NHS: variants seen among roughly 807,000 people sequenced by gnomAD.
NHS encodes the protein NHS actin remodeling regulator.
A neutral mutation model predicts 72.5 loss-of-function variants in NHS; 5 were observed. That is an observed-to-expected ratio of 0.07 (90% CI 0.04 to 0.14). NHS has a LOEUF of 0.14. Among genes scored for constraint, NHS ranks in the 10% least tolerant of loss-of-function variants. NHS has a pLI of 1.00. For missense variants in NHS, 1,072 were observed against 1,355.7 expected (o/e 0.79, Z 3.29); for synonymous variants, 464 against 547.7 (o/e 0.85, Z 2.13).
At chrX:17,436,782 C>G (rs935593186) in intron 1 of NHS, among the ~76,000 whole-genome samples, 2 of 110,515 alleles carry the variant, frequency 1.8e-5, no homozygotes, top group African/African-American at 6.6e-5. Flanking sequence ...AAAAAATCTG[C>G]TGGAATCCAA....
At chrX:17,464,042 A>G (rs1226060761) in intron 1 of NHS, among the ~76,000 whole-genome samples, 1 of 112,029 alleles carries the variant, frequency 8.9e-6, no homozygotes, top group African/African-American at 3.2e-5. Context: ...AGAAAAGCAG[A>G]GTGAAAATTA....
At chrX:17,701,045 C>T (rs1018933161) in intron 3 of NHS, among the ~76,000 whole-genome samples, 42 of 112,265 alleles carry the variant, frequency 3.7e-4, no homozygotes, top group African/African-American at 1.3e-3. Flanking sequence ...TATACAAATA[C>T]TTCACATTGT....
intron 1 of NHS, among the ~76,000 whole-genome samples, chrX:17,646,333 A>G (rs1035927035): frequency 2.7e-5 from 3 of 112,026 alleles, no homozygotes; most frequent in Non-Finnish European, 3.8e-5. Context: ...GTCAAAGTCT[A>G]GGTGGTAAAA....
chrX:17,673,177 A>AACACACACACACACAC (rs56271300), intron 1 of NHS, among the ~76,000 whole-genome samples: 4 of 65,522 alleles, frequency 6.1e-5, no homozygotes, highest in African/African-American at 1.7e-4. Flanking sequence ...TGGAAGATGA[A>AACACACACACACACAC]ACACACACAC....
intron 1 of NHS, among the ~76,000 whole-genome samples, chrX:17,547,606 T>C (rs1381058757): frequency 8.9e-6 from 1 of 112,707 alleles, no homozygotes; most frequent in East Asian, 2.8e-4. Context: ...ACGTTCTAAA[T>C]ATATAACCAA....
intron 1 of NHS, among the ~76,000 whole-genome samples, chrX:17,489,120 T>C (rs1190144484): frequency 8.9e-6 from 1 of 112,025 alleles, no homozygotes; most frequent in Non-Finnish European, 1.9e-5. Flanking sequence ...AGGACATGAA[T>C]TCATCCTTTT....
At chrX:17,540,093 G>A (rs1344979356) in intron 1 of NHS, among the ~76,000 whole-genome samples, 1 of 112,042 alleles carries the variant, frequency 8.9e-6, no homozygotes, top group Non-Finnish European at 1.9e-5. Context: ...AAGTACTAGT[G>A]GTGTTGCTAT....
intron 1 of NHS, among the ~76,000 whole-genome samples, chrX:17,535,948 G>A (rs1226305001): frequency 1.8e-5 from 2 of 111,456 alleles, no homozygotes. Context: ...CTGAAATGTC[G>A]AAGAAGGGAA....
In NHS at chrX:17,525,009, G is replaced by A. The variant is rs1001611465; in HGVS notation, c.565+148687G>A. ...ACTAAGCCTGCCGATCTTAGTAGCT[G>A]AGCTCACAGGGAGGAAGGGCCTTGA... On this transcript the variant is annotated intron_variant, in intron 1 of 8. Coordinates refer to ENST00000676302, the MANE Select transcript of NHS (RefSeq NM_001291867.2). Among the ~76,000 whole-genome samples the A allele has an allele frequency of 1.3e-4, 15 of 111,884 alleles. No individual in the cohort carries two copies. In the Admixed American group the frequency reaches 1.4e-3, roughly 11 times the overall value.
intron 3 of NHS, among the ~76,000 whole-genome samples, chrX:17,716,738 A>C (rs979813007): frequency 1.8e-5 from 2 of 111,412 alleles, no homozygotes; most frequent in African/African-American, 6.5e-5. Context: ...GTTAAAACTT[A>C]GAAAAATAGA....
intron 1 of NHS, among the ~76,000 whole-genome samples, chrX:17,477,667 C>T (rs1233309612): frequency 2.7e-5 from 3 of 112,256 alleles, no homozygotes; most frequent in African/African-American, 6.5e-5. Flanking sequence ...GTCTATTTTA[C>T]TCCATAATAA....
chrX:17,532,856 T>G (rs1455440513), intron 1 of NHS, among the ~76,000 whole-genome samples: 1 of 112,134 alleles, frequency 8.9e-6, no homozygotes, highest in Non-Finnish European at 1.9e-5. Flanking sequence ...GCCCTTTTCT[T>G]AACTTATCTG....
intron 1 of NHS, among the ~76,000 whole-genome samples, chrX:17,503,691 A>G (rs147359194): frequency 0.014 from 1,597 of 111,991 alleles, 35 homozygotes; most frequent in African/African-American, 0.049. Context: ...GTTGAAATGT[A>G]TAACTTCTGA....
intron 1 of NHS, among the ~76,000 whole-genome samples, chrX:17,551,629 G>T (rs1242795523): frequency 2.7e-5 from 3 of 112,089 alleles, no homozygotes; most frequent in Non-Finnish European, 5.6e-5. Flanking sequence ...TGGGGTGCGG[G>T]GGGGCCCCTT....
intron 1 of NHS, among the ~76,000 whole-genome samples, chrX:17,382,210 C>T (rs1255959339): frequency 9.0e-6 from 1 of 111,646 alleles, no homozygotes; most frequent in African/African-American, 3.3e-5. Context: ...CAAATTATTT[C>T]ATCGCCCAGG....
intron 1 of NHS, among the ~76,000 whole-genome samples, chrX:17,582,604 G>T (rs2065549789): frequency 9.0e-6 from 1 of 111,288 alleles, no homozygotes; most frequent in Admixed American, 9.5e-5. Context: ...TGCGCTCCCT[G>T]GGCCTGCTAG....
intron 1 of NHS, among the ~76,000 whole-genome samples, chrX:17,440,258 TAAAAAAAAAAA>T (rs1036618487): frequency 1.6e-4 from 6 of 37,304 alleles, no homozygotes; most frequent in Non-Finnish European, 2.4e-4. Context: ...GACTCAGTCT[TAAAAAAAAAAA>T]AAAAAAAAAA....
chrX:17,501,223 G>A (rs942108447), intron 1 of NHS, among the ~76,000 whole-genome samples: 1 of 108,773 alleles, frequency 9.2e-6, no homozygotes, highest in Non-Finnish European at 1.9e-5. Context: ...AATCAGCCAT[G>A]TGTGGTGGTG....
At chrX:17,434,037 G>T (rs887240562) in intron 1 of NHS, among the ~76,000 whole-genome samples, 49 of 111,770 alleles carry the variant, frequency 4.4e-4, no homozygotes, top group South Asian at 1.9e-3. Context: ...ATTCTCTCTC[G>T]GGCCTTGGAG....
Sources: gnomAD v4.1 joint callset for allele counts (sites outside exome capture counted in the v4.1 genomes callset) on GRCh38, gnomAD v4.1.1 for gene constraint, MANE v1.5 for transcripts, NCBI Gene and HGNC (gene_info 2026-07-23, HGNC 2026-07-21) for gene names.